TRHDE: variants seen among roughly 807,000 people sequenced by gnomAD.
The protein encoded by TRHDE is thyrotropin-releasing hormone-degrading ectoenzyme.
TRHDE carries 72 observed loss-of-function variants against 125.7 expected under a neutral mutation model. The ratio of observed to expected loss-of-function variants is 0.57; its 90% CI spans 0.47 to 0.70. The LOEUF is 0.70. Among genes scored for constraint, TRHDE ranks in the 30% least tolerant of loss-of-function variants. The pLI is 0.00. For missense variants in TRHDE, 1,110 were observed against 1,327.1 expected, an observed-to-expected ratio of 0.84 and a Z score of 2.54; for synonymous variants, 509 against 509.1, an observed-to-expected ratio of 1.00 and a Z score of 0.00.
chr12:72,647,433 A>G (rs1487559217), intron 15 of TRHDE, among the ~76,000 whole-genome samples: 1 of 152,170 alleles, frequency 6.6e-6, no homozygotes, highest in East Asian at 1.9e-4. Flanking sequence ...CTATCCACAT[A>G]GTTAGCAAAA....
At chr12:72,417,692 T>C (rs1873789160) in intron 3 of TRHDE, among the ~76,000 whole-genome samples, 1 of 152,050 alleles carries the variant, frequency 6.6e-6, no homozygotes, top group South Asian at 2.1e-4. Context: ...GTGCATATAA[T>C]TCATATTGTT....
chr12:72,514,458 A>G (rs182985587), intron 6 of TRHDE, among the ~76,000 whole-genome samples: 279 of 152,216 alleles, frequency 1.8e-3, no homozygotes, highest in Non-Finnish European at 3.3e-3. Context: ...TAAATATGAC[A>G]GATAAGTTCA....
At chr12:72,218,331 C>A (rs1877935430) in intron 2 of TRHDE, among the ~76,000 whole-genome samples, 1 of 152,074 alleles carries the variant, frequency 6.6e-6, no homozygotes. Context: ...AAAGGAAATG[C>A]AAAGTTGGGA....
At position 72,624,338 on chromosome 12, in the gene TRHDE, A is replaced by G. The variant is rs565904349; in HGVS notation, c.2675+2587A>G. Among the ~76,000 whole-genome samples, 5 of 152,036 alleles carry G rather than the reference A, an allele frequency of 3.3e-5. No individual in the cohort carries two copies. In the East Asian group the frequency reaches 9.7e-4, roughly 29 times the overall value. On this transcript the variant is annotated intron_variant, in intron 15 of 18. Transcript: ENST00000261180. ...TTTAACTGAAGCCTTAAATAGAGTG[A>G]TTTACAAAAGTCATCTAAGAAAAGA... is the stretch of plus-strand genomic sequence containing the variant.
intron 2 of TRHDE, among the ~76,000 whole-genome samples, chr12:72,207,862 T>C (rs1180359317): frequency 1.3e-5 from 2 of 152,166 alleles, no homozygotes; most frequent in Non-Finnish European, 2.9e-5. Context: ...ATCTCCCCTG[T>C]TTATTTCTAG....
intron 15 of TRHDE, among the ~76,000 whole-genome samples, chr12:72,623,296 A>C (rs924083299): frequency 1.3e-5 from 2 of 151,906 alleles, no homozygotes; most frequent in Non-Finnish European, 2.9e-5. Flanking sequence ...CTTGCTATCA[A>C]CATGTGCCCT....
intron 1 of TRHDE, among the ~76,000 whole-genome samples, chr12:72,095,572 G>T (rs1387543675): frequency 1.3e-5 from 2 of 152,124 alleles, no homozygotes; most frequent in Non-Finnish European, 2.9e-5. Flanking sequence ...CTAGAACTCA[G>T]GTCCCCTCAC....
At chr12:72,170,451 C>T (rs1876846531) in intron 2 of TRHDE, among the ~76,000 whole-genome samples, 1 of 152,172 alleles carries the variant, frequency 6.6e-6, no homozygotes, top group South Asian at 2.1e-4. Context: ...GAACAGCTGA[C>T]TATCATTAAA....
At chr12:72,232,528 C>T (rs559778738) in intron 2 of TRHDE, among the ~76,000 whole-genome samples, 2 of 151,810 alleles carry the variant, frequency 1.3e-5, no homozygotes, top group South Asian at 2.1e-4. Flanking sequence ...CCCTAGTCAG[C>T]GAGGGCCCAG....
chr12:72,511,452 T>C (rs1347951288), intron 6 of TRHDE, among the ~76,000 whole-genome samples: 1 of 152,156 alleles, frequency 6.6e-6, no homozygotes, highest in Non-Finnish European at 1.5e-5. Context: ...ATCAAAATAA[T>C]TTCTAGATAT....
chr12:72,639,569 A>T (rs1873939589), intron 15 of TRHDE, among the ~76,000 whole-genome samples: 2 of 151,284 alleles, frequency 1.3e-5, no homozygotes, highest in African/African-American at 4.9e-5. Context: ...TTGGAGGAGG[A>T]GAGGCGCTCT....
At chr12:72,259,259 T>G (rs562919141) in intron 2 of TRHDE, among the ~76,000 whole-genome samples, 2 of 152,160 alleles carry the variant, frequency 1.3e-5, no homozygotes, top group Non-Finnish European at 2.9e-5. Context: ...CAGTGGATTA[T>G]AATCCACTAC....
intron 5 of TRHDE, among the ~76,000 whole-genome samples, chr12:72,486,963 T>C (rs551711783): frequency 2.6e-5 from 4 of 151,938 alleles, no homozygotes. Context: ...AGATAGATAT[T>C]TAAAAAGAAA....
chr12:72,529,615 T>C (rs971585338), intron 6 of TRHDE, among the ~76,000 whole-genome samples: 15 of 152,156 alleles, frequency 9.9e-5, no homozygotes, highest in African/African-American at 3.1e-4. Flanking sequence ...ACTACTGAAA[T>C]TAGAATTAGA....
intron 15 of TRHDE, among the ~76,000 whole-genome samples, chr12:72,647,480 A>G (rs1048416584): frequency 1.5e-4 from 23 of 152,156 alleles, no homozygotes; most frequent in African/African-American, 5.5e-4. Flanking sequence ...AAAAAAATGG[A>G]AAATAGAAAA....
At chr12:72,566,970 T>G (rs934714712) in intron 9 of TRHDE, among the ~76,000 whole-genome samples, 4 of 151,978 alleles carry the variant, frequency 2.6e-5, no homozygotes, top group Admixed American at 6.6e-5. Context: ...AGCTTATCAT[T>G]TAATTTGAGA....
At chr12:72,402,515 G>A (rs1592419417) in intron 3 of TRHDE, among the ~76,000 whole-genome samples, 1 of 152,074 alleles carries the variant, frequency 6.6e-6, no homozygotes, top group East Asian at 1.9e-4. Flanking sequence ...TCCTGTGCAT[G>A]TCTTCCTACT....
At chr12:72,146,694 C>G (rs537150786) in intron 2 of TRHDE, among the ~76,000 whole-genome samples, 348 of 152,318 alleles carry the variant, frequency 2.3e-3, no homozygotes, top group African/African-American at 4.5e-3. Flanking sequence ...CTGCAACTCC[C>G]GTGTTACAAA....
intron 2 of TRHDE, among the ~76,000 whole-genome samples, chr12:72,164,129 AAAC>A (rs59666303): frequency 7.0e-4 from 107 of 152,188 alleles, no homozygotes; most frequent in African/African-American, 2.5e-3. Flanking sequence ...ACAAACAACA[AAAC>A]AACAACAACA....
Sources: allele counts gnomAD v4.1 joint callset (sites outside exome capture counted in the v4.1 genomes callset), GRCh38; gene constraint gnomAD v4.1.1; transcripts MANE v1.5; gene names NCBI Gene and HGNC (gene_info 2026-07-23, HGNC 2026-07-21).